THEMIS: variants seen among roughly 807,000 people sequenced by gnomAD.
The protein encoded by THEMIS is thymocyte selection associated.
Under a neutral mutation model 52.6 loss-of-function variants are expected in THEMIS, and 37 were observed. The observed-to-expected ratio is 0.70, with a 90% CI of 0.54 to 0.93. The LOEUF (loss-of-function observed/expected upper bound fraction) is 0.93. Ranked by LOEUF, THEMIS falls within the 40% of genes least tolerant of loss-of-function variation. The pLI is 0.00. For missense variants in THEMIS, 808 were observed against 763.1 expected, an observed-to-expected ratio of 1.06 and a Z score of -0.69; for synonymous variants, 292 against 272.7, an observed-to-expected ratio of 1.07 and a Z score of -0.70.
At chr6:127,806,518 T>C (rs1199984393) in intron 4 of THEMIS, among the ~76,000 whole-genome samples, 3 of 152,198 alleles carry the variant, frequency 2.0e-5, no homozygotes, top group Admixed American at 6.5e-5. Context: ...ATATTTCCAA[T>C]TGAAAGTGTA....
chr6:127,748,413 T>C (rs140712468), intron 4 of THEMIS, among the ~76,000 whole-genome samples: 1 of 152,110 alleles, frequency 6.6e-6, no homozygotes, highest in Non-Finnish European at 1.5e-5. Context: ...AGTCTCACTT[T>C]ATAACAATCC....
At chr6:127,905,099 G>C (rs1781236690), upstream of THEMIS, among the ~76,000 whole-genome samples, 1 of 151,998 alleles carries the variant, frequency 6.6e-6, no homozygotes, top group African/African-American at 2.4e-5. Flanking sequence ...GATAATAGCT[G>C]AAGATTTTCC....
chr6:127,890,412 G>A (rs1024749595), intron 1 of THEMIS, among the ~76,000 whole-genome samples: 1 of 152,136 alleles, frequency 6.6e-6, no homozygotes, highest in Admixed American at 6.6e-5. Context: ...GAGTAGAATG[G>A]TGGTTACCAG....
chr6:127,776,516 T>G (rs1776570506), intron 4 of THEMIS, among the ~76,000 whole-genome samples: 1 of 152,222 alleles, frequency 6.6e-6, no homozygotes, highest in African/African-American at 2.4e-5. Context: ...GGCGGGTGAA[T>G]TACTTTGAAA....
intron 2 of THEMIS, among the ~76,000 whole-genome samples, chr6:127,831,798 T>C (rs1778705255): frequency 6.6e-6 from 1 of 152,134 alleles, no homozygotes; most frequent in Admixed American, 6.5e-5. Context: ...ATGCTGTGCT[T>C]GACTAAAATA....
At chr6:127,905,331 A>C (rs1441636401), upstream of THEMIS, among the ~76,000 whole-genome samples, 1 of 152,108 alleles carries the variant, frequency 6.6e-6, no homozygotes, top group East Asian at 1.9e-4. Flanking sequence ...TAAGGGTAGA[A>C]CACAATGGAA....
At position 127,845,828 on chromosome 6, in the gene THEMIS, A is replaced by C. The variant is rs561562279; in HGVS notation, c.250+9202T>G. ...ATAGCTGGGAAATGAGATTTCCATA[A>C]AAAAAATTGAAAAGTTCCAACATAT... On this transcript the variant is annotated intron_variant, in intron 2 of 5. Transcript: ENST00000368248. Among the ~76,000 whole-genome samples, 271 of 152,060 alleles carry C rather than the reference A, an allele frequency of 1.8e-3. 1 individual carries two copies. The highest frequency in any genetic ancestry group is 3.5e-3 in the South Asian group (17 of 4,824).
intron 4 of THEMIS, among the ~76,000 whole-genome samples, chr6:127,803,222 TTGA>T (rs1246029974): frequency 1.3e-5 from 2 of 152,280 alleles, no homozygotes; most frequent in African/African-American, 4.8e-5. Flanking sequence ...TCAGGTATGA[TTGA>T]TGATTTTAAG....
intron 4 of THEMIS, among the ~76,000 whole-genome samples, chr6:127,780,664 T>C (rs930898633): frequency 2.6e-5 from 4 of 152,222 alleles, no homozygotes; most frequent in Non-Finnish European, 5.9e-5. Flanking sequence ...AAGCTTAGTT[T>C]GGCTAGATGT....
intron 3 of THEMIS, among the ~76,000 whole-genome samples, chr6:127,826,918 A>G (rs926752864): frequency 8.5e-5 from 13 of 152,104 alleles, no homozygotes; most frequent in Non-Finnish European, 1.0e-4. Context: ...CCAGAAACAA[A>G]TACTTCATTT....
At chr6:127,872,371 A>C (rs1413230273) in intron 1 of THEMIS, among the ~76,000 whole-genome samples, 2 of 152,154 alleles carry the variant, frequency 1.3e-5, no homozygotes, top group African/African-American at 4.8e-5. Flanking sequence ...CAGGAGTTTG[A>C]GACCAGCCTG....
At chr6:127,805,190 G>A (rs921303528) in intron 4 of THEMIS, among the ~76,000 whole-genome samples, 1 of 152,012 alleles carries the variant, frequency 6.6e-6, no homozygotes, top group African/African-American at 2.4e-5. Context: ...TAATTGGCTT[G>A]TGGTAAATAT....
chr6:127,767,439 TA>T (rs1331565086), intron 4 of THEMIS, among the ~76,000 whole-genome samples: 8 of 152,098 alleles, frequency 5.3e-5, no homozygotes, highest in Non-Finnish European at 1.2e-4. Context: ...TTTCAATGTT[TA>T]AAATTTTTAT....
chr6:127,699,513 A>G, the THEMIS span, among the ~76,000 whole-genome samples: 1 of 150,266 alleles, frequency 6.7e-6, no homozygotes, highest in East Asian at 1.9e-4. Flanking sequence ...TCCACTAAAC[A>G]TTCCCCACTC....
intron 2 of THEMIS, among the ~76,000 whole-genome samples, chr6:127,832,325 A>G (rs1269511426): frequency 1.3e-5 from 2 of 152,216 alleles, no homozygotes; most frequent in African/African-American, 2.4e-5. Flanking sequence ...TCCTTAAAAG[A>G]TGATGAAGTA....
chr6:127,717,305 G>A (rs938626602), intron 5 of THEMIS, among the ~76,000 whole-genome samples: 11 of 151,832 alleles, frequency 7.2e-5, no homozygotes, highest in Non-Finnish European at 1.5e-4. Flanking sequence ...TACCTAATGG[G>A]GGAGCCAAAA....
intron 1 of THEMIS, among the ~76,000 whole-genome samples, chr6:127,862,452 C>CTTTTTTT (rs1562307581): frequency 2.4e-4 from 8 of 33,180 alleles, no homozygotes; most frequent in African/African-American, 4.7e-4. Flanking sequence ...TTTTTTTTTG[C>CTTTTTTT]TCTGTTGCCC....
At chr6:127,817,556 A>G (rs1778179256) in intron 3 of THEMIS, among the ~76,000 whole-genome samples, 2 of 152,180 alleles carry the variant, frequency 1.3e-5, no homozygotes, top group South Asian at 4.1e-4. Context: ...AATAAAAAAG[A>G]TTAGGCAAAA....
At chr6:127,913,838 G>C (rs1484846867) in intron 1 of THEMIS, among the ~76,000 whole-genome samples, 2 of 152,190 alleles carry the variant, frequency 1.3e-5, no homozygotes, top group Non-Finnish European at 2.9e-5. Flanking sequence ...TGGAAATGAT[G>C]ATCAAGGACT....
Sources: allele counts gnomAD v4.1 joint callset (sites outside exome capture counted in the v4.1 genomes callset), GRCh38; gene constraint gnomAD v4.1.1; transcripts MANE v1.5; gene names NCBI Gene and HGNC (gene_info 2026-07-23, HGNC 2026-07-21).